The following HELZ2 variants were observed in gnomAD, a reference collection of about 807,000 sequenced individuals.
HELZ2 encodes the protein 3'-5' exoribonuclease HELZ2.
HELZ2 carries 143 observed loss-of-function variants against 208.8 expected under a neutral mutation model. The ratio of observed to expected loss-of-function variants is 0.68; its 90% CI spans 0.60 to 0.79. The LOEUF is 0.79. Ranked by LOEUF, HELZ2 falls within the 30% of genes least tolerant of loss-of-function variation. HELZ2 has a pLI of 0.00. For synonymous variants in HELZ2, 1,705 were observed against 1,693.7 expected (o/e 1.01, Z -0.16); for missense variants, 3,690 against 3,794.5 (o/e 0.97, Z 0.72).
chr20:63,572,484 G>C, upstream of HELZ2: 1 of 1,301,282 alleles, frequency 7.7e-7, no homozygotes, highest in Non-Finnish European at 1.0e-6. Context: ...TGGCCGGCCC[G>C]GGGCCGCGGC....
chr20:63,565,000 T>G (rs921004923), exon 8 of HELZ2: 2 of 1,596,038 alleles, frequency 1.3e-6, no homozygotes, highest in African/African-American at 2.7e-5. Context: ...AGTAGAAGCC[T>G]TGCCGCCACA....
chr20:63,564,266 C>T (rs771795577), exon 8 of HELZ2: 25 of 1,611,120 alleles, frequency 1.6e-5, no homozygotes, highest in African/African-American at 2.7e-5. Flanking sequence ...GTGGGCCGCG[C>T]GGAAGCCCAG....
chr20:63,560,131 G>GGCCCCCCACCCCGGCCCC, intron 17 of HELZ2, 36 bp from the exon 19 acceptor site: 1 of 1,531,100 alleles, frequency 6.5e-7, no homozygotes, highest in Non-Finnish European at 8.8e-7. Flanking sequence ...CTGCCGCTGC[G>GGCCCCCCACCCCGGCCCC]CCCACCCTCC....
At chr20:63,572,730 T>C, upstream of HELZ2, 1 of 294,464 alleles carries the variant, frequency 3.4e-6, no homozygotes. Context: ...ACCTCCGCCT[T>C]CAGCCATAGG....
rs188270327 is a variant in HELZ2 at position 63,563,534 on chromosome 20, T to A, written c.5288A>T (p.Glu1763Val). ...GACGGGGCAGGGGTCAGGCAGCGTCTCCCGGTTGCTGGGGAAGAGCAGCCG... is the reference window on the plus strand; with the variant it reads ...GACGGGGCAGGGGTCAGGCAGCGTCACCCGGTTGCTGGGGAAGAGCAGCCG... Residue 1763 changes from glutamate to valine, a missense_variant, in exon 8 of 19, where the codon GAG (glutamate) becomes GTG (valine). Transcript: ENST00000467148. The A allele has an allele frequency of 1.2e-4, 188 of 1,512,504 alleles. No individual in the cohort carries two copies. The African/African-American group carries it at 2.3e-3, about 19-fold the overall frequency. The allele number at this position is 1,512,504 out of a possible 1,614,324, so 93.7% of individuals were successfully genotyped here.
At chr20:63,573,153 G>A (rs1190946294), upstream of HELZ2, 1 of 152,264 alleles carries the variant, frequency 6.6e-6, no homozygotes, top group African/African-American at 2.4e-5. The surrounding 1 kb of genome is among the most constrained non-coding windows in gnomAD (Gnocchi z 4.9). Context: ...GCTCTCCAGG[G>A]AGGCGTCTGA....
At chr20:63,567,674 T>C in intron 5 of HELZ2, 47 bp from the exon 7 acceptor site, 1 of 1,557,192 alleles carries the variant, frequency 6.4e-7, no homozygotes, top group Non-Finnish European at 8.7e-7. Context: ...GGGGCCTCAG[T>C]GCTGTCCGCT....
chr20:63,572,085 G>A, intron 1 of HELZ2, 23 bp downstream of exon 2: 1 of 1,587,194 alleles, frequency 6.3e-7, no homozygotes, highest in Admixed American at 1.7e-5. Flanking sequence ...CCTACTCCAA[G>A]CTCCTGCCTC....
chr20:63,568,249 G>A (rs1023544998), intron 5 of HELZ2, 109 bp downstream of exon 6: 16 of 855,462 alleles, frequency 1.9e-5, no homozygotes, highest in Non-Finnish European at 2.5e-5. Flanking sequence ...GTCGGCTACA[G>A]GGAGTGCAGA....
chr20:63,569,642 C>G lies in HELZ2; in HGVS notation c.594G>C (p.Leu198=), dbSNP rs1300407933. Residue 198 remains leucine, a synonymous_variant, in exon 4 of 19, where the codon CTG becomes CTC. Coordinates refer to ENST00000467148, the Ensembl canonical transcript of HELZ2. ...AGTCGGCTCCTGGCTCCTGCTTCAGCAGGGCCACGTGTAGCAGGGGCTCCT... is the reference window on the plus strand; with the variant it reads ...AGTCGGCTCCTGGCTCCTGCTTCAGGAGGGCCACGTGTAGCAGGGGCTCCT... 3.2e-6 allele frequency: 5 copies of G among 1,541,172 alleles called. No individual in the cohort carries two copies. The East Asian group carries it at 7.4e-5, about 23-fold the overall frequency.
At chr20:63,564,309 A>G (rs779114988) in exon 8 of HELZ2, 7 of 1,602,376 alleles carry the variant, frequency 4.4e-6, no homozygotes, top group South Asian at 2.2e-5. Flanking sequence ...TCATAGAAGC[A>G]GTCGGACCGC....
At chr20:63,561,834 T>A (rs2082890821) in exon 11 of HELZ2, 3 of 1,562,382 alleles carry the variant, frequency 1.9e-6, no homozygotes, top group Non-Finnish European at 1.7e-6. Context: ...TGCCAGGACA[T>A]CCACCGACTT....
intron 5 of HELZ2, 146 bp downstream of exon 6, chr20:63,568,212 G>A: frequency 2.9e-6 from 2 of 685,166 alleles, no homozygotes; most frequent in South Asian, 3.6e-5. Flanking sequence ...CCTGAGCTGG[G>A]CCTGATAAAG....
At chr20:63,568,611 G>A in exon 5 of HELZ2, 1 of 1,600,270 alleles carries the variant, frequency 6.2e-7, no homozygotes, top group Non-Finnish European at 8.5e-7. Context: ...GGCACCACCA[G>A]CTGCTCCTCA....
exon 8 of HELZ2, chr20:63,565,653 C>T: frequency 4.3e-6 from 7 of 1,610,490 alleles, no homozygotes; most frequent in Non-Finnish European, 5.9e-6. Context: ...TCAGCCTCTG[C>T]ATCCTCAGCC....
At chr20:63,563,427 C>T in exon 8 of HELZ2, 1 of 1,531,734 alleles carries the variant, frequency 6.5e-7, no homozygotes, top group Non-Finnish European at 8.7e-7. Context: ...GCTGAGTAGA[C>T]ACGGCGCCGC....
chr20:63,567,190 C>G (rs1470065603), exon 6 of HELZ2: 2 of 1,608,480 alleles, frequency 1.2e-6, no homozygotes, highest in Non-Finnish European at 1.7e-6. Flanking sequence ...CTGCTGGTAG[C>G]ACAGGAAGAG....
rs780967372 is a variant in HELZ2, at chr20:63,561,168, C to T, written c.7060G>A (p.Val2354Met). Residue 2354 changes from valine (V) to methionine (M), a missense_variant, in exon 14 of 19, where the codon GTG becomes ATG. Coordinates refer to ENST00000467148, the Ensembl canonical transcript of HELZ2. ...GCCTCGTCAACAAGGATCTGCCTCA[C>T]GTCCAGGATTTTGAGGCTGGCAGAG... 3.2e-5 allele frequency: 52 copies of T among 1,613,140 alleles called. 1 individual carries two copies. The highest frequency in any genetic ancestry group is 3.1e-4 in the South Asian group (28 of 91,086).
chr20:63,569,786 G>T, intron 3 of HELZ2, 121 bp from the exon 5 acceptor site: 1 of 1,139,598 alleles, frequency 8.8e-7, no homozygotes, highest in Non-Finnish European at 1.2e-6. Flanking sequence ...TTCCTGGATA[G>T]AACGCAAGCA....
Sources: gnomAD v4.1 joint callset for allele counts on GRCh38, gnomAD v4.1.1 for gene constraint, Gnocchi (gnomAD v3.1) non-coding constraint, MANE v1.5 for transcripts, NCBI Gene and HGNC (gene_info 2026-07-23, HGNC 2026-07-21) for gene names.